FMN1: variants seen among roughly 807,000 people sequenced by gnomAD.
The protein encoded by FMN1 is formin 1.
FMN1 carries 110 observed loss-of-function variants against 132.4 expected under a neutral mutation model. The ratio of observed to expected loss-of-function variants is 0.83; its 90% CI spans 0.71 to 0.97. The LOEUF (loss-of-function observed/expected upper bound fraction) is 0.97. Among genes scored for constraint, FMN1 ranks in the 50% least tolerant of loss-of-function variants. The probability of loss-of-function intolerance (pLI) is 0.00; values close to 1 mark genes in which losing one functional copy is unlikely to be tolerated. For missense variants in FMN1, 1,792 were observed against 1,705.3 expected, an observed-to-expected ratio of 1.05 and a Z score of -0.90; for synonymous variants, 722 against 651.7, an observed-to-expected ratio of 1.11 and a Z score of -1.64.
chr15:32,985,224 A>AT (rs1000733247), intron 7 of FMN1, among the ~76,000 whole-genome samples: 3 of 151,972 alleles, frequency 2.0e-5, no homozygotes, highest in Non-Finnish European at 2.9e-5. Context: ...AATTTGGTGG[A>AT]TTTTTTCCTC....
Position 32,857,057 on chromosome 15 carries a change from G to A in FMN1, c.3886C>T (p.Leu1296Phe). ...TCTAGTTTGTCCTTGAAAGGCTGGA[G>A]ATACTCCTTTGGGGACTCCTTGCAC... ...VVCKESPKEYLQPFKDKLEEF... is the reference protein window; with the variant it reads ...VVCKESPKEYFQPFKDKLEEF... Residue 1296 changes from leucine to phenylalanine, a missense_variant, in exon 17 of 21, where the codon CTC becomes TTC. Leu to Phe is a conservative substitution (Grantham distance 22). This residue lies in a region of FMN1 where 1,150 missense variants were observed against 1,043.1 expected (regional missense o/e 1.10). Transcript: ENST00000616417. 2 of 1,613,920 alleles carry A rather than the reference G, an allele frequency of 1.2e-6. No homozygotes were observed. Among genetic ancestry groups the A allele is most frequent in the South Asian group, 1.1e-5 (1 of 91,080 alleles).
At chr15:32,776,717 A>G in intron 20 of FMN1, 118 bp downstream of exon 20, 3 of 550,204 alleles carry the variant, frequency 5.5e-6, no homozygotes, top group Non-Finnish European at 9.4e-6. Context: ...ACCATATGCT[A>G]CTCTGGGATG....
chr15:32,906,659 T>C (rs2060432449), intron 12 of FMN1, among the ~76,000 whole-genome samples: 1 of 152,224 alleles, frequency 6.6e-6, no homozygotes, highest in African/African-American at 2.4e-5. Context: ...CTTTTCAGTG[T>C]TGAAACAGCC....
chr15:33,048,521 A>C (rs924247802), intron 6 of FMN1, among the ~76,000 whole-genome samples: 2 of 151,730 alleles, frequency 1.3e-5, no homozygotes, highest in Non-Finnish European at 2.9e-5. Flanking sequence ...CCATTATATC[A>C]TGTAATTGAG....
At chr15:33,112,448 T>C (rs345764) in intron 4 of FMN1, among the ~76,000 whole-genome samples, 104,097 of 151,982 alleles carry the variant, frequency 0.68, 36,736 homozygotes, top group East Asian at 0.8. Flanking sequence ...GGAACTGTTA[T>C]TGCTCCATTA....
At chr15:33,091,140 A>G (rs2038887679) in intron 4 of FMN1, among the ~76,000 whole-genome samples, 1 of 152,224 alleles carries the variant, frequency 6.6e-6, no homozygotes, top group Admixed American at 6.5e-5. Flanking sequence ...TATGTATCAC[A>G]AAACACAATG....
chr15:32,985,551 G>A (rs2033011667), intron 7 of FMN1, among the ~76,000 whole-genome samples: 1 of 152,082 alleles, frequency 6.6e-6, no homozygotes, highest in South Asian at 2.1e-4. Flanking sequence ...AAGGAAGAAG[G>A]AACTGTAATA....
In FMN1 at chr15:33,019,306, T is replaced by C. The variant is rs1011465121; in HGVS notation, c.2162-11231A>G. On this transcript the variant is annotated intron_variant, in intron 6 of 20. Transcript: ENST00000616417. The stretch of plus-strand genomic sequence containing the variant: ...CCTGAGCGGGACACAGAGTGCTGAT[T>C]GGTGCATTTACAAACCTTGAGCTAG... Among the ~76,000 whole-genome samples, 11 of 152,294 alleles carry C rather than the reference T, an allele frequency of 7.2e-5. No homozygotes were observed. In the South Asian group the frequency reaches 1.4e-3, roughly 20 times the overall value.
intron 5 of FMN1, among the ~76,000 whole-genome samples, chr15:33,081,187 C>A (rs1020289124): frequency 1.3e-5 from 2 of 152,192 alleles, no homozygotes; most frequent in Non-Finnish European, 2.9e-5. Flanking sequence ...GTTTTCTCCA[C>A]GGCTAGCTTT....
At chr15:32,920,788 C>T (rs999919608) in intron 10 of FMN1, among the ~76,000 whole-genome samples, 1 of 152,354 alleles carries the variant, frequency 6.6e-6, no homozygotes. Flanking sequence ...TTACTCCTTG[C>T]ATCTGATGTG....
chr15:32,907,355 G>A (rs894018516), intron 12 of FMN1, among the ~76,000 whole-genome samples: 1 of 152,054 alleles, frequency 6.6e-6, no homozygotes, highest in Non-Finnish European at 1.5e-5. Context: ...CTCATAAGGA[G>A]CGTGCAACCT....
intron 17 of FMN1, among the ~76,000 whole-genome samples, chr15:32,849,594 A>G (rs973935962): frequency 2.4e-3 from 21 of 8,916 alleles, no homozygotes; most frequent in Non-Finnish European, 7.0e-3. Flanking sequence ...ATTTCTGGGA[A>G]AAAAAATCCC....
At chr15:32,994,085 T>C (rs2033613951) in intron 7 of FMN1, among the ~76,000 whole-genome samples, 1 of 152,096 alleles carries the variant, frequency 6.6e-6, no homozygotes, top group Admixed American at 6.6e-5. Context: ...TTTCAACCCA[T>C]AGGCCATCAT....
Position 33,118,499 on chromosome 15 carries a change from C to T in FMN1, c.1868-29525G>A, listed in dbSNP as rs541305959. ...CTCCCTTAATGCTGAAATTAATTAC[C>T]TTTACATAATTTATTTTTCCTAGGT... On this transcript the variant is annotated intron_variant, in intron 4 of 20. Coordinates refer to ENST00000616417, the MANE Select transcript of FMN1 (RefSeq NM_001277313.2). Among the ~76,000 whole-genome samples, 36 of 152,198 alleles carry T rather than the reference C, an allele frequency of 2.4e-4. No individual in the cohort carries two copies. In the East Asian group the frequency reaches 6.8e-3, roughly 29 times the overall value.
At chr15:32,998,691 G>C (rs1312360152) in intron 7 of FMN1, among the ~76,000 whole-genome samples, 2 of 152,116 alleles carry the variant, frequency 1.3e-5, no homozygotes, top group Admixed American at 1.3e-4. Context: ...GTCACCTAAA[G>C]TCAAAAAACT....
At position 32,910,660 on chromosome 15, in the gene FMN1, T is replaced by A. The variant is rs2060538646; in HGVS notation, c.3227-125A>T. On this transcript the variant is annotated intron_variant, in intron 10 of 20. Transcript: ENST00000616417. ...TGCGTTTTCTTACACAAGCTGTGCC[T>A]CTCTGCTCCCCTTCCTTTCGCACCA... is the stretch of plus-strand genomic sequence containing the variant. 7 of 717,352 alleles carry A rather than the reference T, an allele frequency of 9.8e-6. No homozygotes were observed. In the East Asian group the frequency reaches 1.9e-4, roughly 20 times the overall value. 44.4% of individuals were successfully genotyped at this position (717,352 alleles called of 1,614,324 possible).
chr15:32,909,146 G>A lies in FMN1; in HGVS notation c.3289-568C>T, dbSNP rs1286038273. Among the ~76,000 whole-genome samples the A allele has an allele frequency of 3.9e-5, 6 of 152,126 alleles. No homozygotes were observed. In the East Asian group the frequency reaches 5.8e-4, roughly 15 times the overall value. Reference sequence around the variant, plus strand: ...TTATCTCTACTGTGAGCTAACAAGCGGCAACCATGTGCTTAGTCCTGAGCT... The same window carrying A: ...TTATCTCTACTGTGAGCTAACAAGCAGCAACCATGTGCTTAGTCCTGAGCT... On this transcript the variant is annotated intron_variant, in intron 11 of 20. Coordinates refer to ENST00000616417, the MANE Select transcript of FMN1 (RefSeq NM_001277313.2).
At chr15:33,108,216 G>A (rs1466915655) in intron 4 of FMN1, among the ~76,000 whole-genome samples, 2 of 152,050 alleles carry the variant, frequency 1.3e-5, no homozygotes, top group East Asian at 3.9e-4. Context: ...GTTCTTACTG[G>A]CATCTTCATT....
chr15:32,925,263 A>G (rs767561608), intron 10 of FMN1, among the ~76,000 whole-genome samples: 3 of 152,220 alleles, frequency 2.0e-5, no homozygotes, highest in Non-Finnish European at 4.4e-5. Context: ...TATTTTGAAA[A>G]CTTCTATTGA....
Sources: allele counts gnomAD v4.1 joint callset (sites outside exome capture counted in the v4.1 genomes callset), GRCh38; gene constraint gnomAD v4.1.1; regional missense constraint gnomAD v4.1.1; transcripts MANE v1.5; gene names NCBI Gene and HGNC (gene_info 2026-07-23, HGNC 2026-07-21).